The following LRRC69 variants were observed in gnomAD, a reference collection of about 807,000 sequenced individuals.
LRRC69 encodes the protein leucine-rich repeat-containing protein 69.
A neutral mutation model predicts 37.8 loss-of-function variants in LRRC69; 42 were observed. That is an observed-to-expected ratio of 1.11 (90% CI 0.87 to 1.44). The LOEUF is 1.44. LRRC69 is among the 40% of genes most tolerant of loss of function. The probability of loss-of-function intolerance (pLI) is 0.00; values close to 1 mark genes in which losing one functional copy is unlikely to be tolerated. For missense variants in LRRC69, 357 were observed against 401.9 expected (o/e 0.89, Z 0.96); for synonymous variants, 141 against 143.1 (o/e 0.99, Z 0.11).
chr8:91,183,771 C>T (rs775755521), intron 5 of LRRC69, among the ~76,000 whole-genome samples: 2 of 152,040 alleles, frequency 1.3e-5, no homozygotes, highest in Admixed American at 1.3e-4. Context: ...TGAGGGTATA[C>T]TGGAAGTTGG....
intron 5 of LRRC69, among the ~76,000 whole-genome samples, chr8:91,187,731 T>A (rs1459793033): frequency 1.3e-5 from 2 of 152,230 alleles, no homozygotes; most frequent in African/African-American, 4.8e-5. Flanking sequence ...TTCAAACAGT[T>A]GAAGGGACTA....
chr8:91,186,427 A>G (rs1030564816), intron 5 of LRRC69, among the ~76,000 whole-genome samples: 1 of 152,132 alleles, frequency 6.6e-6, no homozygotes, highest in Non-Finnish European at 1.5e-5. Context: ...CAGTTGTAGG[A>G]TGAGTTAAAA....
intron 6 of LRRC69, among the ~76,000 whole-genome samples, chr8:91,197,913 A>G (rs1477602837): frequency 1.3e-5 from 2 of 152,154 alleles, no homozygotes; most frequent in Non-Finnish European, 2.9e-5. Flanking sequence ...GGAAGTAGCT[A>G]TCTATGCCTG....
intron 5 of LRRC69, among the ~76,000 whole-genome samples, chr8:91,175,162 G>A (rs575346988): frequency 2.6e-5 from 4 of 152,164 alleles, no homozygotes; most frequent in Non-Finnish European, 4.4e-5. Flanking sequence ...AGTTACACAG[G>A]GAGGAGTAGG....
intron 4 of LRRC69, among the ~76,000 whole-genome samples, chr8:91,134,629 C>G (rs551299664): frequency 2.8e-4 from 43 of 152,086 alleles, no homozygotes; most frequent in African/African-American, 8.4e-4. Flanking sequence ...AAAGCTTTAC[C>G]AGCATTGTAG....
intron 3 of LRRC69, among the ~76,000 whole-genome samples, chr8:91,129,121 G>C (rs998139079): frequency 1.3e-5 from 2 of 152,018 alleles, no homozygotes; most frequent in African/African-American, 4.8e-5. Context: ...ATTTGGGCAG[G>C]TAAGAGTTTT....
At position 91,189,512 on chromosome 8, in the gene LRRC69, G is replaced by T; in HGVS notation, c.652-10G>T. 1.3e-6 allele frequency: 2 copies of T among 1,531,092 alleles called. No individual in the cohort carries two copies. Among genetic ancestry groups the T allele is most frequent in the Non-Finnish European group, 1.8e-6 (2 of 1,130,550 alleles). 94.8% of individuals were successfully genotyped at this position (1,531,092 alleles called of 1,614,324 possible). On this transcript the variant is annotated splice_polypyrimidine_tract_variant and intron_variant, in intron 5 of 7. Transcript: ENST00000448384. ...TGTTGTGCAATAAGGTTTTTATTTTGTTTGAAAAGTTTCAGGATCTGAAGC... is the reference window on the plus strand; with the variant it reads ...TGTTGTGCAATAAGGTTTTTATTTTTTTTGAAAAGTTTCAGGATCTGAAGC...
At chr8:91,199,574 A>G (rs995471603) in intron 6 of LRRC69, among the ~76,000 whole-genome samples, 4 of 152,138 alleles carry the variant, frequency 2.6e-5, no homozygotes, top group Admixed American at 6.5e-5. Context: ...TTATGTGTGT[A>G]TATATGTATT....
At chr8:91,135,765 A>G in intron 5 of LRRC69, 26 bp downstream of exon 5, 1 of 1,280,642 alleles carries the variant, frequency 7.8e-7, no homozygotes, top group Non-Finnish European at 1.0e-6. Context: ...TTCCATTATA[A>G]TTGAAAAATA....
At chr8:91,207,419 G>A (rs890997067) in intron 7 of LRRC69, among the ~76,000 whole-genome samples, 1 of 152,206 alleles carries the variant, frequency 6.6e-6, no homozygotes, top group South Asian at 2.1e-4. Context: ...AAGGCTTTCA[G>A]ACAAGAAAGA....
chr8:91,202,561 G>C (rs1428614852), intron 7 of LRRC69, among the ~76,000 whole-genome samples: 1 of 152,194 alleles, frequency 6.6e-6, no homozygotes, highest in African/African-American at 2.4e-5. Context: ...AATTGTGGAA[G>C]AGTGTTTCCA....
chr8:91,150,771 T>C (rs1160008930), intron 5 of LRRC69, among the ~76,000 whole-genome samples: 1 of 152,032 alleles, frequency 6.6e-6, no homozygotes, highest in African/African-American at 2.4e-5. Flanking sequence ...GAGCCTGTTA[T>C]TGGTCTATTC....
chr8:91,116,617 T>C (rs1813515187), intron 1 of LRRC69, among the ~76,000 whole-genome samples: 1 of 151,890 alleles, frequency 6.6e-6, no homozygotes, highest in African/African-American at 2.4e-5. Context: ...AGATGCGCAG[T>C]GTATTACTGA....
At chr8:91,142,156 A>G (rs1213673248) in intron 5 of LRRC69, among the ~76,000 whole-genome samples, 1 of 152,050 alleles carries the variant, frequency 6.6e-6, no homozygotes, top group Non-Finnish European at 1.5e-5. Flanking sequence ...CAATCATTTG[A>G]AGAAAAAGAT....
At chr8:91,148,557 C>A (rs1307107876) in intron 5 of LRRC69, among the ~76,000 whole-genome samples, 1 of 151,948 alleles carries the variant, frequency 6.6e-6, no homozygotes, top group East Asian at 1.9e-4. Flanking sequence ...GTGCATGTGT[C>A]TTTATAGCAG....
In LRRC69 at chr8:91,106,698, G is replaced by T. The variant is rs576357867; in HGVS notation, c.183+3854G>T. Among the ~76,000 whole-genome samples, 52 of 152,118 alleles carry T rather than the reference G, an allele frequency of 3.4e-4. 1 individual carries two copies. In the South Asian group the frequency reaches 7.3e-3, roughly 21 times the overall value. On this transcript the variant is annotated intron_variant, in intron 1 of 7. Coordinates refer to ENST00000448384, the Ensembl canonical transcript of LRRC69. ...TATATTTAGTGTGAAATTTATCAGG[G>T]TATGGTGTTCAATTTATAGTTCTTA...
intron 5 of LRRC69, among the ~76,000 whole-genome samples, chr8:91,141,210 C>G (rs1808528001): frequency 6.6e-6 from 1 of 151,996 alleles, no homozygotes. Context: ...GTGCAGGAAA[C>G]AGTGATGCTT....
intron 6 of LRRC69, among the ~76,000 whole-genome samples, chr8:91,195,983 C>T (rs1344193016): frequency 1.3e-5 from 2 of 152,142 alleles, no homozygotes; most frequent in Non-Finnish European, 2.9e-5. Flanking sequence ...CGGCTGGTAC[C>T]AGTTGTTCCT....
At chr8:91,135,602 T>G (rs945840029) in intron 4 of LRRC69, 66 bp from the exon 5 acceptor site, 2 of 1,088,160 alleles carry the variant, frequency 1.8e-6, no homozygotes, top group East Asian at 5.9e-5. Context: ...TAAAAAAATT[T>G]ATGATTTTCC....
Sources: gnomAD v4.1 joint callset for allele counts (sites outside exome capture counted in the v4.1 genomes callset) on GRCh38, gnomAD v4.1.1 for gene constraint, MANE v1.5 for transcripts, NCBI Gene and HGNC (gene_info 2026-07-23, HGNC 2026-07-21) for gene names.